Variants in TNC observed in about 807,000 individuals in gnomAD.
The protein encoded by TNC is tenascin C, also known as tenascin.
TNC carries 109 observed loss-of-function variants against 202.4 expected under a neutral mutation model. The ratio of observed to expected loss-of-function variants is 0.54; its 90% CI spans 0.46 to 0.63. TNC has a LOEUF of 0.63. Among genes scored for constraint, TNC ranks in the 30% least tolerant of loss-of-function variants. TNC has a pLI of 0.00. For synonymous variants in TNC, 1,007 were observed against 1,089.7 expected (o/e 0.92, Z 1.50); for missense variants, 2,756 against 2,833.3 (o/e 0.97, Z 0.62).
chr9:115,097,796 G>C lies in TNC; in HGVS notation c.-136-6642C>G, dbSNP rs78717254. On this transcript the variant is annotated intron_variant, in intron 1 of 27. Transcript: ENST00000350763. The stretch of plus-strand genomic sequence containing the variant: ...CATGCAGGGAATATGGAGAGGTCTT[G>C]TTCTACTAGGGTATAAAATAATGCA... 2.6e-3 allele frequency among the ~76,000 whole-genome samples: 398 copies of C among 152,298 alleles called. 1 individual carries two copies. Among genetic ancestry groups the C allele is most frequent in the African/African-American group, 9.3e-3 (387 of 41,556 alleles).
chr9:115,059,091 T>C (rs1390938477), intron 14 of TNC, among the ~76,000 whole-genome samples: 2 of 152,176 alleles, frequency 1.3e-5, no homozygotes, highest in Admixed American at 6.5e-5. Context: ...GCTTTCTCTT[T>C]GGTACAGTCT....
chr9:115,049,099 C>T (rs1012072838), intron 15 of TNC, among the ~76,000 whole-genome samples: 5 of 151,954 alleles, frequency 3.3e-5, no homozygotes, highest in African/African-American at 7.3e-5. Context: ...ATTAATAGCT[C>T]ATGGTTATAA....
At chr9:115,028,820 CT>C (rs987005855) in intron 25 of TNC, among the ~76,000 whole-genome samples, 1 of 146,486 alleles carries the variant, frequency 6.8e-6, no homozygotes, top group Non-Finnish European at 1.5e-5. Context: ...TGTCATTCTG[CT>C]TTTTTCTTTT....
intron 1 of TNC, among the ~76,000 whole-genome samples, chr9:115,103,724 G>A (rs1564150361): frequency 6.6e-6 from 1 of 152,080 alleles, no homozygotes; most frequent in East Asian, 1.9e-4. Flanking sequence ...TTTCACTTTA[G>A]ACCCAAGTCA....
chr9:115,027,327 C>G (rs562511961), intron 25 of TNC, among the ~76,000 whole-genome samples: 2 of 151,964 alleles, frequency 1.3e-5, no homozygotes, highest in Non-Finnish European at 2.9e-5. Flanking sequence ...CGGTGGCTCA[C>G]GCCCATAATC....
chr9:115,052,776 C>T (rs940865051), intron 15 of TNC: 18 of 702,454 alleles, frequency 2.6e-5, no homozygotes, highest in Non-Finnish European at 3.9e-5. Context: ...CTGGTGGGAT[C>T]CCCAGCCAAG....
chr9:115,072,761 A>G (rs540263776), intron 10 of TNC, among the ~76,000 whole-genome samples: 2 of 152,356 alleles, frequency 1.3e-5, no homozygotes, highest in South Asian at 2.1e-4. Context: ...TACTCAATAC[A>G]TGCTTACTAA....
Position 115,090,839 on chromosome 9 carries a change from C to T in TNC, c.180G>A (p.Val60=), listed in dbSNP as rs2133674713. The T allele has an allele frequency of 6.2e-7, 1 of 1,614,220 alleles. No homozygotes were observed. The highest frequency in any genetic ancestry group is 2.2e-5 in the East Asian group (1 of 44,882). ...FNHVYNIKLP[V]GSQCSVDLES... Reference sequence around the variant, plus strand: ...CCAGATCCACCGAACACTGGGATCCCACTGGCAGCTTGATGTTGTAAACGT... The same window carrying T: ...CCAGATCCACCGAACACTGGGATCCTACTGGCAGCTTGATGTTGTAAACGT... The change falls in exon 2 of 28, where the codon GTG becomes GTA. Residue 60 remains valine (V), a synonymous_variant. Coordinates refer to ENST00000350763, the MANE Select transcript of TNC (RefSeq NM_002160.4).
chr9:115,035,763 A>T (rs1830276406), intron 21 of TNC: 1 of 291,336 alleles, frequency 3.4e-6, no homozygotes, highest in African/African-American at 2.1e-5. Context: ...TGCCTAAAAA[A>T]TATGCCTCTT....
chr9:115,079,977 G>T lies in TNC; in HGVS notation c.2405-1765C>A, dbSNP rs571482673. ...AGGTTTCAGGTATATGTGGTAAATT[G>T]TGGCCGGCCGTGGCGGCTCATGCCT... On this transcript the variant is annotated intron_variant, in intron 6 of 27. Coordinates refer to ENST00000350763, the MANE Select transcript of TNC (RefSeq NM_002160.4). 7.9e-5 allele frequency among the ~76,000 whole-genome samples: 12 copies of T among 152,322 alleles called. No individual in the cohort carries two copies. The South Asian group carries it at 1.7e-3, about 21-fold the overall frequency.
intron 2 of TNC, among the ~76,000 whole-genome samples, chr9:115,089,791 C>A (rs1459123552): frequency 6.6e-6 from 1 of 152,196 alleles, no homozygotes; most frequent in Non-Finnish European, 1.5e-5. Context: ...TGAACCACTG[C>A]GCCTAGCCAA....
In TNC at chr9:115,035,314, A is replaced by G; in HGVS notation, c.5677T>C (p.Leu1893=). ...FTTDLDSPRD[L]TATEVQSETA... is the part of the protein sequence containing the mutation. ...TCCGACTGAACCTCAGTAGCAGTCA[A>G]GTCTCTTGGAGAATCGAGGTCTGGA... Residue 1893 remains leucine, a synonymous_variant, in exon 22 of 28, where the codon TTG becomes CTG. Coordinates refer to ENST00000350763, the MANE Select transcript of TNC (RefSeq NM_002160.4). The G allele has an allele frequency of 6.2e-7, 1 of 1,612,946 alleles. No homozygotes were observed. Among genetic ancestry groups the G allele is most frequent in the Non-Finnish European group, 8.5e-7 (1 of 1,179,526 alleles).
intron 18 of TNC, 58 bp downstream of exon 18, chr9:115,042,161 A>G: frequency 6.4e-7 from 1 of 1,560,928 alleles, no homozygotes. Context: ...GGTCTTTTTC[A>G]TGAATCCATC....
chr9:115,052,911 T>G (rs957245581), intron 15 of TNC: 2 of 702,770 alleles, frequency 2.8e-6, no homozygotes, highest in Non-Finnish European at 5.2e-6. Context: ...TCACTCACAT[T>G]GATAACAATC....
rs114605299 is a variant in TNC at position 115,045,082 on chromosome 9, T to C, written c.5125+1328A>G. Among the ~76,000 whole-genome samples, 1,273 of 152,266 alleles carry C rather than the reference T, an allele frequency of 8.4e-3. 21 individuals carry two copies. Among genetic ancestry groups the C allele is most frequent in the African/African-American group, 0.029 (1,215 of 41,552 alleles). ...TACTCCAAATCTAGCTCTATGATCA[T>C]AGAAAAATCATTTCACCATTCTGGT... is the stretch of plus-strand genomic sequence containing the variant. On this transcript the variant is annotated intron_variant, in intron 17 of 27. Transcript: ENST00000350763.
At chr9:115,049,490 G>T (rs1831480713) in intron 15 of TNC, among the ~76,000 whole-genome samples, 1 of 152,044 alleles carries the variant, frequency 6.6e-6, no homozygotes, top group Non-Finnish European at 1.5e-5. Context: ...CATCTGCTAG[G>T]TGCCTAAGCT....
chr9:115,063,085 G>A lies in TNC; in HGVS notation c.3865C>T (p.Gln1289Ter). The stretch of plus-strand genomic sequence containing the variant: ...TCCACCTGGTCAGCCTCCTGGACCT[G>A]AATAGTAAACTGGTCATAGGTTCCA... ...PDGTYDQFTI[Q>*]VQEADQVEEA... is the part of the protein sequence containing the mutation. Residue 1289 changes from glutamine to a stop codon, truncating the protein, a stop_gained, in exon 13 of 28, where the codon CAG becomes TAG. Coordinates refer to ENST00000350763, the MANE Select transcript of TNC (RefSeq NM_002160.4). LOFTEE classifies it high-confidence loss of function. The A allele has an allele frequency of 2.5e-6, 4 of 1,614,142 alleles. No homozygotes were observed. The highest frequency in any genetic ancestry group is 3.4e-6 in the Non-Finnish European group (4 of 1,180,034).
At chr9:115,090,395 T>C (rs1835128050) in intron 2 of TNC, among the ~76,000 whole-genome samples, 167 bp downstream of exon 2, 1 of 152,198 alleles carries the variant, frequency 6.6e-6, no homozygotes, top group African/African-American at 2.4e-5. Flanking sequence ...AGGAGAGAGA[T>C]GGCTGCAGTC....
chr9:115,056,911 C>T lies in TNC; in HGVS notation c.4579+242G>A, dbSNP rs538106486. Among the ~76,000 whole-genome samples the T allele has an allele frequency of 1.2e-4, 18 of 152,302 alleles. No individual in the cohort carries two copies. The South Asian group carries it at 3.7e-3, about 32-fold the overall frequency. ...TCTAGATTCCATATGGCAAATTAGA[C>T]TGAACTACATTTTATGCTGTAAACA... On this transcript the variant is annotated intron_variant, in intron 15 of 27. Coordinates refer to ENST00000350763, the MANE Select transcript of TNC (RefSeq NM_002160.4).
Sources: gnomAD v4.1 joint callset for allele counts (sites outside exome capture counted in the v4.1 genomes callset) on GRCh38, gnomAD v4.1.1 for gene constraint, MANE v1.5 for transcripts, NCBI Gene and HGNC (gene_info 2026-07-23, HGNC 2026-07-21) for gene names.